The following TAS2R1 variants were observed in gnomAD, a reference collection of about 807,000 sequenced individuals.
TAS2R1 encodes taste 2 receptor member 1.
For synonymous variants in TAS2R1, 141 were observed against 134.2 expected, an observed-to-expected ratio of 1.05 and a Z score of -0.35; for missense variants, 370 against 353.4, an observed-to-expected ratio of 1.05 and a Z score of -0.38.
the TAS2R1 span, among the ~76,000 whole-genome samples, chr5:9,800,057 G>A: frequency 1.3e-5 from 2 of 152,198 alleles, no homozygotes; most frequent in South Asian, 4.1e-4. Flanking sequence ...TGAACCTTAA[G>A]CAGGCCTATT....
At chr5:9,633,349 C>T (rs1373965061), upstream of TAS2R1, among the ~76,000 whole-genome samples, 7 of 132,226 alleles carry the variant, frequency 5.3e-5, no homozygotes, top group African/African-American at 3.0e-5. Context: ...ACTCATTCAT[C>T]GATGGGCATT....
Position 9,656,551 on chromosome 5 carries a change from G to T in TAS2R1, c.-81+2870C>A, listed in dbSNP as rs116711449. The stretch of plus-strand genomic sequence containing the variant: ...AAGCAGGGAAAAATAATTCTTTCTT[G>T]CTCAGCCTTTGATACTATTAAGGGC... On this transcript the variant is annotated intron_variant, in intron 2 of 2. Transcript: ENST00000506620. Among the ~76,000 whole-genome samples the T allele has an allele frequency of 6.9e-3, 1,046 of 152,272 alleles. 17 individuals are homozygous for T. Among genetic ancestry groups the T allele is most frequent in the African/African-American group, 0.024 (1,008 of 41,552 alleles).
intron 1 of TAS2R1, among the ~76,000 whole-genome samples, chr5:9,697,611 T>C (rs1443818577): frequency 6.6e-6 from 1 of 152,176 alleles, no homozygotes; most frequent in Admixed American, 6.5e-5. Context: ...TAGTTTAGTA[T>C]GAGAAGATAG....
intron 1 of TAS2R1, among the ~76,000 whole-genome samples, chr5:9,701,174 C>T (rs1741471904): frequency 6.6e-6 from 1 of 150,406 alleles, no homozygotes; most frequent in Non-Finnish European, 1.5e-5. Context: ...ACAAGGGATT[C>T]AAGCTGAACA....
At position 9,660,853 on chromosome 5, in the gene TAS2R1, T is replaced by C. The variant is rs542445222; in HGVS notation, c.-241-1272A>G. 4.4e-3 allele frequency among the ~76,000 whole-genome samples: 672 copies of C among 152,248 alleles called. 5 individuals carry two copies. The highest frequency in any genetic ancestry group is 0.015 in the African/African-American group (631 of 41,548). Reference sequence around the variant, plus strand: ...AGTGCAAATGGCTGGTTCTGTGAGGTAGGAACCACATGCAAGGATCTGAGA... The same window carrying C: ...AGTGCAAATGGCTGGTTCTGTGAGGCAGGAACCACATGCAAGGATCTGAGA... On this transcript the variant is annotated intron_variant, in intron 1 of 2. Transcript: ENST00000506620.
At chr5:9,845,821 T>C in the TAS2R1 span, among the ~76,000 whole-genome samples, 1 of 152,210 alleles carries the variant, frequency 6.6e-6, no homozygotes, top group Admixed American at 6.5e-5. Flanking sequence ...CTGGTGGACA[T>C]AACGATTATT....
the TAS2R1 span, among the ~76,000 whole-genome samples, chr5:9,847,686 T>G: frequency 4.6e-5 from 7 of 152,216 alleles, no homozygotes; most frequent in Non-Finnish European, 8.8e-5. Flanking sequence ...AAGTGACCAG[T>G]CATTTGTAAG....
chr5:9,850,696 G>T, the TAS2R1 span, among the ~76,000 whole-genome samples: 1 of 152,174 alleles, frequency 6.6e-6, no homozygotes, highest in African/African-American at 2.4e-5. Flanking sequence ...TCCCCCACAG[G>T]CCTCCTACCA....
At chr5:9,652,348 T>C (rs1740323795) in intron 2 of TAS2R1, among the ~76,000 whole-genome samples, 1 of 152,160 alleles carries the variant, frequency 6.6e-6, no homozygotes, top group South Asian at 2.1e-4. Flanking sequence ...CAGGATCCCT[T>C]GGATTATGTG....
At chr5:9,888,600 G>A in the TAS2R1 span, among the ~76,000 whole-genome samples, 1 of 152,194 alleles carries the variant, frequency 6.6e-6, no homozygotes, top group African/African-American at 2.4e-5. Flanking sequence ...TGTGTGCAAC[G>A]GTGAGGAAAG....
the TAS2R1 span, among the ~76,000 whole-genome samples, chr5:9,757,692 A>G: frequency 6.6e-6 from 1 of 152,204 alleles, no homozygotes; most frequent in African/African-American, 2.4e-5. Context: ...GCTTAAATTA[A>G]TATTAGTTCA....
the TAS2R1 span, among the ~76,000 whole-genome samples, chr5:9,865,627 T>G: frequency 6.6e-6 from 1 of 152,252 alleles, no homozygotes; most frequent in African/African-American, 2.4e-5. Flanking sequence ...AAAGTATTTC[T>G]TTTATTTCCA....
the TAS2R1 span, among the ~76,000 whole-genome samples, chr5:9,773,348 G>A: frequency 6.6e-6 from 1 of 151,734 alleles, no homozygotes; most frequent in Non-Finnish European, 1.5e-5. Context: ...TTTTGTTCTA[G>A]TTACACTTAC....
intron 1 of TAS2R1, among the ~76,000 whole-genome samples, chr5:9,680,497 T>C (rs1290036459): frequency 6.6e-6 from 1 of 152,126 alleles, no homozygotes. Context: ...AAGTTCAACA[T>C]CAACAGCCAC....
At chr5:9,814,998 C>T in the TAS2R1 span, among the ~76,000 whole-genome samples, 2 of 152,272 alleles carry the variant, frequency 1.3e-5, no homozygotes, top group South Asian at 2.1e-4. Flanking sequence ...CTTCACATGG[C>T]GTGTCGGAGA....
Position 9,628,291 on chromosome 5 carries a change from G to A in TAS2R1, c.*842C>T, listed in dbSNP as rs1739795170. ...TTGCTTCATTGGGAAGACAGGCAATGCAGGAGGAGTTCCAAATTACCACTC... is the reference window on the plus strand; with the variant it reads ...TTGCTTCATTGGGAAGACAGGCAATACAGGAGGAGTTCCAAATTACCACTC... On this transcript the variant is annotated 3_prime_UTR_variant, in exon 1 of 1. Coordinates refer to ENST00000382492, the MANE Select transcript of TAS2R1 (RefSeq NM_019599.3). Among the ~76,000 whole-genome samples the A allele has an allele frequency of 6.6e-6, 1 of 152,144 alleles. No individual in the cohort carries two copies. Among genetic ancestry groups the A allele is most frequent in the Non-Finnish European group, 1.5e-5 (1 of 68,014 alleles).
the TAS2R1 span, among the ~76,000 whole-genome samples, chr5:9,822,396 C>T: frequency 1.4e-5 from 2 of 140,388 alleles, no homozygotes; most frequent in Admixed American, 7.6e-5. Flanking sequence ...GTTGCCCAGG[C>T]TGGAGTGCAG....
chr5:9,828,228 C>T, the TAS2R1 span, among the ~76,000 whole-genome samples: 1 of 152,144 alleles, frequency 6.6e-6, no homozygotes, highest in Admixed American at 6.5e-5. Flanking sequence ...TGGGTTCAAG[C>T]AATTCTCCTG....
At chr5:9,902,329 C>T in the TAS2R1 span, among the ~76,000 whole-genome samples, 1 of 152,030 alleles carries the variant, frequency 6.6e-6, no homozygotes, top group African/African-American at 2.4e-5. Context: ...GCTTTTGGTT[C>T]TTCCCAGAGG....
Sources: allele counts gnomAD v4.1 joint callset (sites outside exome capture counted in the v4.1 genomes callset), GRCh38; gene constraint gnomAD v4.1.1; transcripts MANE v1.5; gene names NCBI Gene and HGNC (gene_info 2026-07-23, HGNC 2026-07-21).